Variants in PIEZO1 observed in about 807,000 individuals in gnomAD.
PIEZO1 encodes the protein piezo type mechanosensitive ion channel component 1 (Er blood group), also known as piezo-type mechanosensitive ion channel component 1.
A neutral mutation model predicts 297.2 loss-of-function variants in PIEZO1; 296 were observed. The observed-to-expected ratio is 1.00, with a 90% CI of 0.91 to 1.10. The LOEUF is 1.10. Ranked by LOEUF, PIEZO1 falls within the 50% of genes least tolerant of loss-of-function variation. PIEZO1 has a pLI of 0.00. For synonymous variants in PIEZO1, 2,427 were observed against 1,507.5 expected (o/e 1.61, Z -14.13); for missense variants, 5,018 against 3,455.5 (o/e 1.45, Z -11.34).
At position 88,737,643 on chromosome 16, in the gene PIEZO1, C is replaced by G; in HGVS notation, c.1111G>C (p.Val371Leu). The G allele has an allele frequency of 4.6e-6, 7 of 1,534,562 alleles. No homozygotes were observed. The South Asian group carries it at 8.3e-5, about 18-fold the overall frequency. The change falls in exon 10 of 51, where the codon GTG (valine) becomes CTG (leucine). Residue 371 changes from valine to leucine, a missense_variant. By Grantham distance (32) the Val-to-Leu change is conservative. Transcript: ENST00000301015. The stretch of plus-strand genomic sequence containing the variant: ...TCGGTGTCGGGTGCTGTGGGCACCA[C>G]GTGCTGTGGGCAAGCAGCGCTGAGC... ...WPQERESDQHVVPTAPDTEAD... is the reference protein window; with the variant it reads ...WPQERESDQHLVPTAPDTEAD...
At position 88,716,028 on chromosome 16, in the gene PIEZO1, C is replaced by T. The variant is rs1044608303; in HGVS notation, c.7221G>A (p.Glu2407=). ...TGCAGTCGGTCCGGCACTCCTGCAG[C>T]TCGATGACCCACCATTCGAGGAAGC... ...ATGFLEWWVI[E]LQECRTDCNL... Residue 2407 remains glutamate, a synonymous_variant, in exon 50 of 51, where the codon GAG becomes GAA. Coordinates refer to ENST00000301015, the MANE Select transcript of PIEZO1 (RefSeq NM_001142864.4). The T allele has an allele frequency of 3.2e-6, 5 of 1,550,246 alleles. No homozygotes were observed. The highest frequency in any genetic ancestry group is 3.9e-5 in the Admixed American group (2 of 51,008).
intron 2 of PIEZO1, among the ~76,000 whole-genome samples, chr16:88,748,932 CAAAAAAAAAAAAAA>C (rs869031857): frequency 2.2e-5 from 1 of 45,224 alleles, no homozygotes; most frequent in Non-Finnish European, 3.7e-5. Flanking sequence ...GACTCGGTCT[CAAAAAAAAAAAAAA>C]AAAAAAAAAA....
intron 1 of PIEZO1, among the ~76,000 whole-genome samples, chr16:88,781,699 G>A (rs1295537997): frequency 1.3e-5 from 2 of 152,242 alleles, no homozygotes; most frequent in Admixed American, 6.5e-5. Flanking sequence ...ACAGGCCTCC[G>A]AAGGGTGACT....
Position 88,785,153 on chromosome 16 carries a change from C to G in PIEZO1, c.-189G>C. 3.3e-6 allele frequency: 1 copy of G among 303,726 alleles called. No individual in the cohort carries two copies. The highest frequency in any genetic ancestry group is 1.5e-4 in the South Asian group (1 of 6,486). 18.8% of individuals were successfully genotyped at this position (303,726 alleles called of 1,614,324 possible). ...CCGGGCCCGCGCTCGCTCAGGCGAC[C>G]GCCCTGCCCCTCGGCGGAGCGCAGC... On this transcript the variant is annotated 5_prime_UTR_variant, in exon 1 of 51. Transcript: ENST00000301015.
Position 88,733,659 on chromosome 16 carries a change from G to T in PIEZO1, c.2416C>A (p.Leu806Met), listed in dbSNP as rs1335715752. 6.5e-7 allele frequency: 1 copy of T among 1,549,830 alleles called. No individual in the cohort carries two copies. Among genetic ancestry groups the T allele is most frequent in the Non-Finnish European group, 8.7e-7 (1 of 1,146,616 alleles). The part of the protein sequence containing the change: ...SDVLSRVQVF[L>M]RRLLELHVFK... ...ACGTGAAGCTCCAGCAGCCGCCGCA[G>T]GAACACCTGCACGCGTGAGAGGACG... The change falls in exon 18 of 51, where the codon CTG becomes ATG. Residue 806 changes from leucine to methionine, a missense_variant. Coordinates refer to ENST00000301015, the MANE Select transcript of PIEZO1 (RefSeq NM_001142864.4).
In PIEZO1 at chr16:88,751,336, C is replaced by T. The variant is rs534844114; in HGVS notation, c.65-1857G>A. The stretch of plus-strand genomic sequence containing the variant: ...ATTGGCACCGTGGAGCTGACGCTTG[C>T]ACCTGAAAGGGTCAGGGGCACACGG... On this transcript the variant is annotated intron_variant, in intron 1 of 50. Transcript: ENST00000301015. Among the ~76,000 whole-genome samples the T allele has an allele frequency of 3.3e-5, 5 of 152,384 alleles. No individual in the cohort carries two copies. In the East Asian group the frequency reaches 7.7e-4, roughly 24 times the overall value.
rs182089175 is a variant in PIEZO1 at position 88,723,491 on chromosome 16, G to A, written c.4336-163C>T. 1.2e-4 allele frequency among the ~76,000 whole-genome samples: 19 copies of A among 152,364 alleles called. No individual in the cohort carries two copies. In the East Asian group the frequency reaches 1.9e-3, roughly 15 times the overall value. On this transcript the variant is annotated intron_variant, in intron 31 of 50. Transcript: ENST00000301015. ...TCCCGGATGGGGACCCTGAGGGGCTGTGGGGGAAGACTCCCACCCATTCAG... is the reference window on the plus strand; with the variant it reads ...TCCCGGATGGGGACCCTGAGGGGCTATGGGGGAAGACTCCCACCCATTCAG...
chr16:88,772,911 A>G (rs1164536497), intron 1 of PIEZO1, among the ~76,000 whole-genome samples: 3 of 152,040 alleles, frequency 2.0e-5, no homozygotes, highest in East Asian at 3.9e-4. Context: ...GGGGTGGGCC[A>G]TGGCAGGGCC....
intron 1 of PIEZO1, among the ~76,000 whole-genome samples, chr16:88,769,210 G>T (rs1907311817): frequency 6.6e-6 from 1 of 152,168 alleles, no homozygotes; most frequent in South Asian, 2.1e-4. Context: ...TACCCTAAAG[G>T]CAGTCACATA....
At chr16:88,783,681 C>T (rs1908035972) in intron 1 of PIEZO1, among the ~76,000 whole-genome samples, 2 of 152,204 alleles carry the variant, frequency 1.3e-5, no homozygotes, top group Non-Finnish European at 2.9e-5. Context: ...GCTGCCCAGT[C>T]CACACAGGGC....
intron 42 of PIEZO1, 28 bp downstream of exon 42, chr16:88,720,041 G>C (rs962951677): frequency 6.5e-7 from 1 of 1,549,626 alleles, no homozygotes; most frequent in African/African-American, 1.4e-5. Flanking sequence ...CGCCCCTGGA[G>C]ACCGAGCGCC....
At chr16:88,756,542 C>G (rs1282147141) in intron 1 of PIEZO1, among the ~76,000 whole-genome samples, 2 of 149,058 alleles carry the variant, frequency 1.3e-5, no homozygotes, top group Non-Finnish European at 3.0e-5. Flanking sequence ...TGGCTCAAGC[C>G]CGCCATCTCA....
chr16:88,724,880 C>G, intron 30 of PIEZO1, 129 bp downstream of exon 30: 1 of 600,190 alleles, frequency 1.7e-6, no homozygotes, highest in East Asian at 3.4e-5. Context: ...CCCAGGAGGC[C>G]TGAGCACGTC....
In PIEZO1 at chr16:88,737,590, C is replaced by A; in HGVS notation, c.1164G>T (p.Leu388=). Residue 388 remains leucine, a synonymous_variant, in exon 10 of 51, where the codon CTG becomes CTT. Transcript: ENST00000301015. The part of the protein sequence containing the change: ...TEADNCIVHE[L]TGQSSVLRRP... ...GCCGCAGGACGGAGCTCTGGCCGGT[C>A]AGCTCGTGCACGATGCAGTTATCAG... is the stretch of plus-strand genomic sequence containing the variant. 6.5e-7 allele frequency: 1 copy of A among 1,534,510 alleles called. No individual in the cohort carries two copies. Among genetic ancestry groups the A allele is most frequent in the Non-Finnish European group, 8.7e-7 (1 of 1,146,450 alleles).
At chr16:88,781,497 T>C (rs2142914760) in intron 1 of PIEZO1, among the ~76,000 whole-genome samples, 1 of 152,354 alleles carries the variant, frequency 6.6e-6, no homozygotes, top group African/African-American at 2.4e-5. Flanking sequence ...GCTCTCCTGC[T>C]GACTCATCCA....
At chr16:88,756,340 C>T (rs988346442) in intron 1 of PIEZO1, among the ~76,000 whole-genome samples, 1 of 152,144 alleles carries the variant, frequency 6.6e-6, no homozygotes, top group South Asian at 2.1e-4. Flanking sequence ...CGTTCTGCCT[C>T]GGGACTCTGG....
chr16:88,731,977 C>A (rs1904875339), intron 21 of PIEZO1, 67 bp from the exon 22 acceptor site: 3 of 12,818 alleles, frequency 2.3e-4, no homozygotes, highest in South Asian at 7.7e-4. Context: ...TCTTGTCCCA[C>A]CCAGCAGGCC....
intron 1 of PIEZO1, among the ~76,000 whole-genome samples, chr16:88,752,877 C>A (rs971386220): frequency 2.4e-5 from 2 of 83,342 alleles, no homozygotes; most frequent in African/African-American, 6.2e-5. Context: ...CTCATTCATT[C>A]ATCCATTCAT....
intron 22 of PIEZO1, among the ~76,000 whole-genome samples, chr16:88,728,196 G>T (rs934344351): frequency 6.6e-6 from 1 of 152,246 alleles, no homozygotes; most frequent in Non-Finnish European, 1.5e-5. Flanking sequence ...ATAGGACCAC[G>T]TGCTGGGGAT....
Sources: allele counts gnomAD v4.1 joint callset (sites outside exome capture counted in the v4.1 genomes callset), GRCh38; gene constraint gnomAD v4.1.1; transcripts MANE v1.5; gene names NCBI Gene and HGNC (gene_info 2026-07-23, HGNC 2026-07-21).